AGBL1: variants seen among roughly 807,000 people sequenced by gnomAD.
AGBL1 encodes AGBL carboxypeptidase 1, also known as cytosolic carboxypeptidase 4.
In AGBL1, 130 loss-of-function variants were observed where a neutral mutation model predicts 118.9. That is an observed-to-expected ratio of 1.09 (90% CI 0.95 to 1.26). The LOEUF (loss-of-function observed/expected upper bound fraction) is 1.26. Among genes scored for constraint, AGBL1 ranks in the 50% most tolerant of loss-of-function variants. AGBL1 has a pLI of 0.00. For synonymous variants in AGBL1, 555 were observed against 478.9 expected, an observed-to-expected ratio of 1.16 and a Z score of -2.08; for missense variants, 1,584 against 1,298.1, an observed-to-expected ratio of 1.22 and a Z score of -3.38.
intron 17 of AGBL1, among the ~76,000 whole-genome samples, chr15:86,378,249 A>G (rs2081066179): frequency 6.6e-6 from 1 of 152,208 alleles, no homozygotes; most frequent in East Asian, 1.9e-4. Context: ...TGCCCCACTC[A>G]GGCAAACTTT....
chr15:86,129,570 A>T (rs2076792521), intron 1 of AGBL1, among the ~76,000 whole-genome samples: 1 of 152,208 alleles, frequency 6.6e-6, no homozygotes, highest in African/African-American at 2.4e-5. Flanking sequence ...GTGGTTCTCA[A>T]CCAGGGCCAA....
At chr15:86,930,427 G>A (rs947011532) in intron 23 of AGBL1, among the ~76,000 whole-genome samples, 21 of 152,102 alleles carry the variant, frequency 1.4e-4, no homozygotes, top group Non-Finnish European at 2.1e-4. Context: ...ATAAGAGGAG[G>A]TCCATTCTGT....
At chr15:86,569,330 C>T (rs1251163857) in intron 21 of AGBL1, among the ~76,000 whole-genome samples, 1 of 151,186 alleles carries the variant, frequency 6.6e-6, no homozygotes, top group Non-Finnish European at 1.5e-5. Context: ...ACTTGGTAGG[C>T]TGAGGTTACG....
At chr15:86,172,785 C>T (rs764350337) in intron 5 of AGBL1, among the ~76,000 whole-genome samples, 4 of 152,148 alleles carry the variant, frequency 2.6e-5, no homozygotes, top group Non-Finnish European at 4.4e-5. Context: ...TATCTTGGCT[C>T]TTGCGAATAG....
At chr15:86,768,359 A>G (rs141308617) in intron 22 of AGBL1, among the ~76,000 whole-genome samples, 3 of 152,108 alleles carry the variant, frequency 2.0e-5, no homozygotes, top group East Asian at 1.9e-4. Flanking sequence ...AACACAACAT[A>G]ACATTACTGC....
intron 22 of AGBL1, among the ~76,000 whole-genome samples, chr15:86,686,538 A>C (rs564108344): frequency 2.4e-4 from 36 of 150,202 alleles, no homozygotes; most frequent in Non-Finnish European, 3.8e-4. Flanking sequence ...CCTGGGTTCA[A>C]GTGATTCTCC....
At chr15:86,609,554 C>T (rs774224360) in intron 21 of AGBL1, among the ~76,000 whole-genome samples, 28 of 152,032 alleles carry the variant, frequency 1.8e-4, no homozygotes, top group Admixed American at 9.8e-4. Context: ...GGTTTAATAC[C>T]GTTTTAGTCG....
chr15:86,729,798 G>A (rs1343721715), intron 22 of AGBL1, among the ~76,000 whole-genome samples: 1 of 152,116 alleles, frequency 6.6e-6, no homozygotes, highest in Non-Finnish European at 1.5e-5. Context: ...CTCAGTAATG[G>A]GATTGCTGGG....
intron 1 of AGBL1, among the ~76,000 whole-genome samples, chr15:86,123,056 G>C (rs968297172): frequency 6.6e-6 from 1 of 152,108 alleles, no homozygotes; most frequent in Non-Finnish European, 1.5e-5. Flanking sequence ...CAAAGCTGTC[G>C]GTTGTGGGGA....
chr15:86,264,467 A>G lies in AGBL1; in HGVS notation c.1296A>G (p.Lys432=). The change falls in exon 11 of 23, where the codon AAA becomes AAG. Residue 432 remains lysine (K), a synonymous_variant. Coordinates refer to ENST00000614907, the MANE Select transcript of AGBL1 (RefSeq NM_001386094.1). The stretch of plus-strand genomic sequence containing the variant: ...CCACTGTGCATCTAGGCTCCAAAAA[A>G]AATCCTGGAGTGAACCTGTACCAAA... The part of the protein sequence containing the change: ...GRSTVHLGSK[K]NPGVNLYQNV... The G allele has an allele frequency of 1.2e-6, 2 of 1,614,026 alleles. No homozygotes were observed. The highest frequency in any genetic ancestry group is 1.7e-6 in the Non-Finnish European group (2 of 1,179,894).
chr15:86,590,338 C>T (rs554826532), intron 21 of AGBL1, among the ~76,000 whole-genome samples: 2 of 152,256 alleles, frequency 1.3e-5, no homozygotes, highest in Admixed American at 6.5e-5. Flanking sequence ...TGGTTACCCT[C>T]ATGCTGTTTT....
chr15:86,847,733 C>T (rs2079339318), intron 22 of AGBL1, among the ~76,000 whole-genome samples: 1 of 152,134 alleles, frequency 6.6e-6, no homozygotes. Context: ...TGCACGTCCT[C>T]TTGCACACGT....
chr15:86,596,058 G>A (rs62012506), intron 21 of AGBL1, among the ~76,000 whole-genome samples: 2 of 152,016 alleles, frequency 1.3e-5, no homozygotes, highest in Non-Finnish European at 2.9e-5. Context: ...CAGCACTCTG[G>A]GAAGCTGATG....
chr15:86,619,131 A>ATC (rs1337124485), intron 21 of AGBL1, among the ~76,000 whole-genome samples: 1 of 152,132 alleles, frequency 6.6e-6, no homozygotes, highest in African/African-American at 2.4e-5. Context: ...ATATATATAT[A>ATC]TCAAGTGCCT....
chr15:86,594,576 G>T lies in AGBL1; in HGVS notation c.2994+40039G>T, dbSNP rs534571877. On this transcript the variant is annotated intron_variant, in intron 21 of 22. Coordinates refer to ENST00000614907, the MANE Select transcript of AGBL1 (RefSeq NM_001386094.1). Reference sequence around the variant, plus strand: ...TTTTTATAATGATATAAGGCTATTGGTCACTCTTCAGTGCCTTTAAATATC... The same window carrying T: ...TTTTTATAATGATATAAGGCTATTGTTCACTCTTCAGTGCCTTTAAATATC... Among the ~76,000 whole-genome samples the T allele has an allele frequency of 8.5e-5, 13 of 152,136 alleles. No individual in the cohort carries two copies. In the East Asian group the frequency reaches 2.3e-3, roughly 27 times the overall value.
At chr15:86,430,814 G>A (rs541447713) in intron 18 of AGBL1, among the ~76,000 whole-genome samples, 15 of 151,306 alleles carry the variant, frequency 9.9e-5, no homozygotes, top group Admixed American at 4.6e-4. Context: ...GTTGTATTAC[G>A]TATAACTTTG....
intron 20 of AGBL1, among the ~76,000 whole-genome samples, chr15:86,548,665 A>G (rs2469158): frequency 0.038 from 1,746 of 46,016 alleles, 18 homozygotes; most frequent in Non-Finnish European, 0.053. Flanking sequence ...ACATGCACGC[A>G]CACACACACA....
In AGBL1 at chr15:86,132,032, C is replaced by T. The variant is rs549253332; in HGVS notation, c.52-9972C>T. On this transcript the variant is annotated intron_variant, in intron 1 of 22. Transcript: ENST00000614907. ...CCTATTTCTTAACCCTCAAATTGTACAGAACATCTCTGAAAACAGCGCTTC... is the reference window on the plus strand; with the variant it reads ...CCTATTTCTTAACCCTCAAATTGTATAGAACATCTCTGAAAACAGCGCTTC... Among the ~76,000 whole-genome samples the T allele has an allele frequency of 3.3e-5, 5 of 151,936 alleles. No individual in the cohort carries two copies. The South Asian group carries it at 1.0e-3, about 32-fold the overall frequency.
At chr15:86,959,024 T>C (rs1158649612) in intron 23 of AGBL1, among the ~76,000 whole-genome samples, 2 of 152,092 alleles carry the variant, frequency 1.3e-5, no homozygotes, top group African/African-American at 4.8e-5. Context: ...ACAAATGTAG[T>C]AAGTACACAG....
Sources: allele counts gnomAD v4.1 joint callset (sites outside exome capture counted in the v4.1 genomes callset), GRCh38; gene constraint gnomAD v4.1.1; transcripts MANE v1.5; gene names NCBI Gene and HGNC (gene_info 2026-07-23, HGNC 2026-07-21).